ELMO1: variants seen among roughly 807,000 people sequenced by gnomAD.
ELMO1 encodes engulfment and cell motility protein 1.
A neutral mutation model predicts 98.9 loss-of-function variants in ELMO1; 26 were observed. The observed-to-expected ratio is 0.26, with a 90% confidence interval of 0.19 to 0.36. The LOEUF is 0.36. Ranked by LOEUF, ELMO1 falls within the 10% of genes least tolerant of loss-of-function variation. The pLI is 1.00. For synonymous variants in ELMO1, 346 were observed against 346.0 expected (o/e 1.00, Z 0.00); for missense variants, 627 against 935.2 (o/e 0.67, Z 4.30).
intron 15 of ELMO1, among the ~76,000 whole-genome samples, chr7:37,072,733 G>A (rs575233791): frequency 1.8e-4 from 28 of 152,184 alleles, no homozygotes; most frequent in Non-Finnish European, 3.7e-4. Flanking sequence ...CCTGCAGTGA[G>A]GGGGTGCCAC....
At chr7:37,249,664 A>G (rs1795229648) in intron 6 of ELMO1, among the ~76,000 whole-genome samples, 2 of 152,244 alleles carry the variant, frequency 1.3e-5, no homozygotes, top group South Asian at 4.1e-4. Context: ...TCTGCAAGCT[A>G]TTGGGCTATT....
intron 13 of ELMO1, among the ~76,000 whole-genome samples, chr7:37,191,196 A>G (rs2130156301): frequency 6.6e-6 from 1 of 151,506 alleles, no homozygotes; most frequent in African/African-American, 2.4e-5. Flanking sequence ...CTCAAAAAAA[A>G]AAAAAAAAAA....
At chr7:37,378,591 A>G (rs1802457029) in intron 1 of ELMO1, among the ~76,000 whole-genome samples, 1 of 150,704 alleles carries the variant, frequency 6.6e-6, no homozygotes, top group African/African-American at 2.4e-5. Context: ...GCCGTGGTAT[A>G]AACGAAAAAA....
At chr7:37,231,921 C>G (rs1057058748) in intron 8 of ELMO1, among the ~76,000 whole-genome samples, 5 of 152,014 alleles carry the variant, frequency 3.3e-5, no homozygotes, top group Admixed American at 3.3e-4. Context: ...GGTGCAATGT[C>G]GGCTCACTGC....
In ELMO1 at chr7:37,028,166, A is replaced by C. The variant is rs555119179; in HGVS notation, c.1301-14731T>G. Among the ~76,000 whole-genome samples, 13 of 152,236 alleles carry C rather than the reference A, an allele frequency of 8.5e-5. No individual in the cohort carries two copies. The East Asian group carries it at 2.1e-3, about 25-fold the overall frequency. ...CAGAGGAGTAAAGGATCTTGCCCAG[A>C]CTCACAGAACTAACAAGAGGGAGAG... is the stretch of plus-strand genomic sequence containing the variant. On this transcript the variant is annotated intron_variant, in intron 15 of 21. Transcript: ENST00000310758.
At chr7:37,063,143 A>G (rs1584585549) in intron 15 of ELMO1, among the ~76,000 whole-genome samples, 1 of 152,236 alleles carries the variant, frequency 6.6e-6, no homozygotes, top group Non-Finnish European at 1.5e-5. Context: ...CCAGCAGAGA[A>G]AAGGGGACAG....
intron 1 of ELMO1, among the ~76,000 whole-genome samples, chr7:37,418,525 C>T (rs779995124): frequency 5.3e-5 from 8 of 152,182 alleles, no homozygotes; most frequent in Non-Finnish European, 1.2e-4. Flanking sequence ...ACTGGATCTG[C>T]CCAGGCCCCT....
intron 16 of ELMO1, among the ~76,000 whole-genome samples, chr7:36,967,290 T>C (rs1789524686): frequency 6.6e-6 from 1 of 152,168 alleles, no homozygotes; most frequent in African/African-American, 2.4e-5. Context: ...CCAATCACTA[T>C]GTATTCCATA....
At chr7:37,285,875 C>T (rs1366861136) in intron 4 of ELMO1, among the ~76,000 whole-genome samples, 1 of 152,058 alleles carries the variant, frequency 6.6e-6, no homozygotes, top group Non-Finnish European at 1.5e-5. Flanking sequence ...GCCAGCCCTT[C>T]CCACTGCCAG....
intron 19 of ELMO1, among the ~76,000 whole-genome samples, chr7:36,877,675 C>T (rs1000768428): frequency 1.3e-5 from 2 of 152,186 alleles, no homozygotes; most frequent in Non-Finnish European, 1.5e-5. Context: ...TTTGGGTTTT[C>T]AGAAAAAGAC....
chr7:37,380,198 T>G (rs1962234), intron 1 of ELMO1, among the ~76,000 whole-genome samples: 38,825 of 152,116 alleles, frequency 0.26, 5,268 homozygotes, highest in Non-Finnish European at 0.31. Flanking sequence ...CAAACCCATA[T>G]TACTAATAAA....
intron 16 of ELMO1, among the ~76,000 whole-genome samples, chr7:36,989,002 C>T (rs991496463): frequency 6.6e-6 from 1 of 152,204 alleles, no homozygotes; most frequent in African/African-American, 2.4e-5. Flanking sequence ...CAATCTATTT[C>T]AAGACATCTG....
At chr7:37,321,979 C>G (rs953270868) in intron 2 of ELMO1, among the ~76,000 whole-genome samples, 4 of 151,252 alleles carry the variant, frequency 2.6e-5, no homozygotes, top group African/African-American at 9.7e-5. Context: ...CCTGCCTCAG[C>G]CTCCCCAGTA....
intron 6 of ELMO1, 35 bp downstream of exon 6, chr7:37,259,146 G>A (rs376082287): frequency 1.2e-5 from 19 of 1,587,698 alleles, no homozygotes; most frequent in Non-Finnish European, 1.5e-5. Context: ...GAGACACGCA[G>A]GACAGCTGTG....
chr7:37,053,570 T>C (rs1796235646), intron 15 of ELMO1, among the ~76,000 whole-genome samples: 1 of 152,222 alleles, frequency 6.6e-6, no homozygotes, highest in Non-Finnish European at 1.5e-5. Flanking sequence ...TGTGTTCTTG[T>C]GCCCCAGAAT....
intron 16 of ELMO1, among the ~76,000 whole-genome samples, chr7:36,956,750 T>C (rs1788485345): frequency 6.6e-6 from 1 of 152,250 alleles, no homozygotes; most frequent in Non-Finnish European, 1.5e-5. Context: ...CGGGCAATTT[T>C]TTAAATGACT....
chr7:37,384,295 C>T (rs569364955), intron 1 of ELMO1, among the ~76,000 whole-genome samples: 9 of 152,198 alleles, frequency 5.9e-5, no homozygotes, highest in African/African-American at 1.9e-4. Flanking sequence ...CATGTAATTA[C>T]CTGGACTCAA....
intron 2 of ELMO1, among the ~76,000 whole-genome samples, chr7:37,340,398 T>C (rs367789812): frequency 1.3e-5 from 2 of 152,092 alleles, no homozygotes; most frequent in South Asian, 4.1e-4. Context: ...TAAAATTGTA[T>C]CAACATAAAA....
At chr7:37,296,298 G>T (rs1016573122) in intron 4 of ELMO1, among the ~76,000 whole-genome samples, 13 of 152,068 alleles carry the variant, frequency 8.5e-5, no homozygotes, top group Middle Eastern at 3.4e-3. Context: ...GTTGGCCAGG[G>T]ACCCCTCTCA....
Sources: gnomAD v4.1 joint callset for allele counts (sites outside exome capture counted in the v4.1 genomes callset) on GRCh38, gnomAD v4.1.1 for gene constraint, MANE v1.5 for transcripts, NCBI Gene and HGNC (gene_info 2026-07-23, HGNC 2026-07-21) for gene names.